Variants in UBR1 observed in about 807,000 individuals in gnomAD.
UBR1 encodes the protein E3 ubiquitin-protein ligase UBR1.
A neutral mutation model predicts 242.1 loss-of-function variants in UBR1; 102 were observed. The observed-to-expected ratio is 0.42, with a 90% CI of 0.36 to 0.50. UBR1 has a LOEUF of 0.50. Ranked by LOEUF, UBR1 falls within the 20% of genes least tolerant of loss-of-function variation. The probability of loss-of-function intolerance (pLI) is 0.01; values close to 1 mark genes in which losing one functional copy is unlikely to be tolerated. For missense variants in UBR1, 1,772 were observed against 2,101.8 expected (o/e 0.84, Z 3.07); for synonymous variants, 675 against 684.8 (o/e 0.99, Z 0.22).
chr15:43,080,966 C>A (rs914522520), intron 3 of UBR1, among the ~76,000 whole-genome samples: 1 of 151,992 alleles, frequency 6.6e-6, no homozygotes, highest in South Asian at 2.1e-4. Context: ...AAAAACATTT[C>A]GTGTGCAGTT....
intron 1 of UBR1, among the ~76,000 whole-genome samples, chr15:43,096,272 G>A (rs1468058288): frequency 6.6e-6 from 1 of 151,556 alleles, no homozygotes; most frequent in African/African-American, 2.4e-5. Flanking sequence ...CTGCCGGATT[G>A]AAGCAATTCT....
At chr15:43,001,153 T>TC (rs2032718630) in intron 32 of UBR1, among the ~76,000 whole-genome samples, 3 of 151,666 alleles carry the variant, frequency 2.0e-5, no homozygotes, top group Admixed American at 2.0e-4. Flanking sequence ...CAATTCTTTT[T>TC]TTTTTTTTTT....
At chr15:43,068,089 TAAA>T (rs375762522) in intron 5 of UBR1, 53 bp from the exon 6 acceptor site, 7,354 of 778,478 alleles carry the variant, frequency 9.4e-3, no homozygotes, top group South Asian at 0.013. Context: ...AAAGGAAAAG[TAAA>T]AAAAAAAAAA....
chr15:42,980,900 C>A (rs774703687), intron 37 of UBR1, among the ~76,000 whole-genome samples: 3 of 152,126 alleles, frequency 2.0e-5, no homozygotes, highest in Admixed American at 6.5e-5. Context: ...TTACACCCGG[C>A]CTGTCCTATT....
At chr15:42,974,382 AT>A (rs1213572450) in intron 39 of UBR1, among the ~76,000 whole-genome samples, 1 of 152,178 alleles carries the variant, frequency 6.6e-6, no homozygotes, top group African/African-American at 2.4e-5. Context: ...TTGACTACAA[AT>A]ATGTGGATCT....
chr15:43,099,514 T>C (rs1273549024), intron 1 of UBR1, among the ~76,000 whole-genome samples: 1 of 152,168 alleles, frequency 6.6e-6, no homozygotes, highest in Non-Finnish European at 1.5e-5. Flanking sequence ...GTCACACAAG[T>C]ATATACATTT....
chr15:43,011,883 T>C (rs1317646923), intron 29 of UBR1: 1 of 451,356 alleles, frequency 2.2e-6, no homozygotes. Context: ...TAAACTATTA[T>C]ATAACCACAT....
chr15:43,098,562 C>T (rs1408095345), intron 1 of UBR1, among the ~76,000 whole-genome samples: 1 of 152,180 alleles, frequency 6.6e-6, no homozygotes, highest in Non-Finnish European at 1.5e-5. Context: ...CAGACACACT[C>T]TTTGTGCAGT....
chr15:43,103,427 T>C (rs1296862227), intron 1 of UBR1, among the ~76,000 whole-genome samples: 2 of 152,310 alleles, frequency 1.3e-5, no homozygotes, highest in Non-Finnish European at 2.9e-5. Context: ...AACTTCCAAA[T>C]ACCTAGCTAA....
chr15:43,003,754 T>G, intron 31 of UBR1, 83 bp downstream of exon 31: 788 of 1,196,222 alleles, frequency 6.6e-4, no homozygotes, highest in Non-Finnish European at 8.8e-4. Context: ...AAAGAAGACA[T>G]GAGAAAACAT....
chr15:43,054,004 G>C (rs2033586783), intron 12 of UBR1, among the ~76,000 whole-genome samples: 1 of 152,074 alleles, frequency 6.6e-6, no homozygotes, highest in South Asian at 2.1e-4. Context: ...TGAACCCACA[G>C]ATGTGGAACC....
At chr15:43,032,514 T>C in intron 20 of UBR1, 54 bp downstream of exon 20, 3 of 1,214,336 alleles carry the variant, frequency 2.5e-6, no homozygotes, top group Non-Finnish European at 3.6e-6. Context: ...ATATAAATGG[T>C]CTCTCTAAAA....
In UBR1 at chr15:43,070,776, G is replaced by A. The variant is rs140373950; in HGVS notation, c.659+19C>T. On this transcript the variant is annotated intron_variant, in intron 5 of 46. Transcript: ENST00000290650. ...AATAACCATCACTAAAACTTGTTCC[G>A]TTTGACAGTTTTCCCCACCTTATCT... The A allele has an allele frequency of 1.8e-4, 286 of 1,611,914 alleles. 2 individuals carry two copies. The Admixed American group carries it at 4.3e-3, about 24-fold the overall frequency.
At chr15:43,037,408 C>T (rs1379281164) in intron 17 of UBR1, among the ~76,000 whole-genome samples, 5 of 149,696 alleles carry the variant, frequency 3.3e-5, no homozygotes, top group Non-Finnish European at 5.9e-5. Context: ...TGCATATTTA[C>T]TCCAAAATAG....
intron 13 of UBR1, among the ~76,000 whole-genome samples, 159 bp from the exon 14 acceptor site, chr15:43,047,448 C>G (rs1051115797): frequency 2.0e-5 from 3 of 152,164 alleles, no homozygotes; most frequent in African/African-American, 7.2e-5. Flanking sequence ...GGTATGTGCT[C>G]AGGGTTAGAA....
chr15:43,002,271 T>C (rs886941758), intron 32 of UBR1, among the ~76,000 whole-genome samples: 19 of 152,206 alleles, frequency 1.2e-4, no homozygotes, highest in Non-Finnish European at 2.4e-4. Flanking sequence ...TGGAGTGCAG[T>C]GGGGCAATCT....
At position 43,043,271 on chromosome 15, in the gene UBR1, T is replaced by C; in HGVS notation, c.1793A>G (p.Tyr598Cys). 2 of 1,614,144 alleles carry C rather than the reference T, an allele frequency of 1.2e-6. No homozygotes were observed. The highest frequency in any genetic ancestry group is 1.7e-6 in the Non-Finnish European group (2 of 1,180,012). ...GCTTACAAGATCCTCAGATACTCTG[T>C]AGGACTTTGTTTCCAAACTATGTCC... ...SCGHSLETKS[Y>C]RVSEDLVSIH... Residue 598 changes from tyrosine to cysteine, a missense_variant, in exon 15 of 47, where the codon TAC (tyrosine) becomes TGC (cysteine). Transcript: ENST00000290650.
At chr15:43,070,692 TAATGATA>T in intron 5 of UBR1, 96 bp downstream of exon 5, 1 of 1,521,690 alleles carries the variant, frequency 6.6e-7, no homozygotes, top group Non-Finnish European at 9.0e-7. Flanking sequence ...GAATTTTTCA[TAATGATA>T]ATTAGGCAGT....
chr15:43,017,270 C>A, intron 27 of UBR1, 89 bp from the exon 28 acceptor site: 1 of 887,422 alleles, frequency 1.1e-6, no homozygotes, highest in Non-Finnish European at 1.8e-6. Flanking sequence ...ATTTTGGCAT[C>A]ATATCTCCAA....
Sources: gnomAD v4.1 joint callset for allele counts (sites outside exome capture counted in the v4.1 genomes callset) on GRCh38, gnomAD v4.1.1 for gene constraint, MANE v1.5 for transcripts, NCBI Gene and HGNC (gene_info 2026-07-23, HGNC 2026-07-21) for gene names.